The following WTAP variants were observed in gnomAD, a reference collection of about 807,000 sequenced individuals.
WTAP encodes the protein pre-mRNA-splicing regulator WTAP.
Under a neutral mutation model 50.0 loss-of-function variants are expected in WTAP, and 8 were observed. That is an observed-to-expected ratio of 0.16 (90% CI 0.09 to 0.29). The LOEUF is 0.29. WTAP is among the 10% of genes least tolerant of loss of function. WTAP has a pLI of 1.00. For synonymous variants in WTAP, 194 were observed against 169.0 expected (o/e 1.15, Z -1.15); for missense variants, 295 against 470.7 (o/e 0.63, Z 3.45).
At position 159,738,985 on chromosome 6, in the gene WTAP, T is replaced by C. The variant is rs763799954; in HGVS notation, c.31-5T>C. 4.4e-6 allele frequency: 7 copies of C among 1,608,186 alleles called. No homozygotes were observed. The Admixed American group carries it at 5.0e-5, about 12-fold the overall frequency. On this transcript the variant is annotated splice_region_variant and splice_polypyrimidine_tract_variant and intron_variant, in intron 2 of 7. Transcript: ENST00000621533. ...ACTAAATTCATATTGTAATTCTCTT[T>C]ATAGGTTCGATTGAGTGAAACAGAC...
chr6:159,734,408 C>T (rs1485747300), intron 1 of WTAP, among the ~76,000 whole-genome samples: 1 of 150,926 alleles, frequency 6.6e-6, no homozygotes, highest in Non-Finnish European at 1.5e-5. Context: ...TTTAACATAC[C>T]AAGCTTTTGG....
intron 5 of WTAP, 130 bp downstream of exon 5, chr6:159,743,922 G>T: frequency 9.7e-7 from 1 of 1,035,828 alleles, no homozygotes; most frequent in Non-Finnish European, 1.3e-6. Flanking sequence ...TATGCTTTGA[G>T]CTTTAAGAAT....
intron 3 of WTAP, among the ~76,000 whole-genome samples, chr6:159,741,435 T>G (rs1191049344): frequency 6.6e-6 from 1 of 152,152 alleles, no homozygotes; most frequent in African/African-American, 2.4e-5. Context: ...AACCTTCAAT[T>G]CTACATAATG....
chr6:159,747,913 A>G (rs1779671211), intron 5 of WTAP, among the ~76,000 whole-genome samples: 1 of 152,098 alleles, frequency 6.6e-6, no homozygotes, highest in South Asian at 2.1e-4. Context: ...TTTAATTGAC[A>G]AATAAGTTTT....
intron 1 of WTAP, among the ~76,000 whole-genome samples, chr6:159,732,886 AGTGTGTGTGTGT>A (rs67554039): frequency 0.033 from 4,861 of 146,468 alleles, 95 homozygotes; most frequent in Non-Finnish European, 0.05. Flanking sequence ...ATATATATAT[AGTGTGTGTGTGT>A]GTGTGTGTGT....
At chr6:159,736,584 T>C in intron 2 of WTAP, 1 of 266,688 alleles carries the variant, frequency 3.7e-6, no homozygotes. Flanking sequence ...GGTCTACTCT[T>C]AATGTTCATT....
rs145366839 is a variant in WTAP at position 159,753,313 on chromosome 6, G to A, written c.453-147G>A. ...ATACTGAAATGCAGAAGATGGATGTGTCCCAGAAAAGAAGATGGTAATTAT... is the reference window on the plus strand; with the variant it reads ...ATACTGAAATGCAGAAGATGGATGTATCCCAGAAAAGAAGATGGTAATTAT... On this transcript the variant is annotated intron_variant, in intron 6 of 7. Transcript: ENST00000621533. The A allele has an allele frequency of 2.8e-5, 32 of 1,160,198 alleles. No individual in the cohort carries two copies. In the East Asian group the frequency reaches 7.4e-4, roughly 27 times the overall value. The allele number at this position is 1,160,198 out of a possible 1,614,324, so 71.9% of individuals were successfully genotyped here.
At chr6:159,734,281 T>G (rs1164675162) in intron 1 of WTAP, among the ~76,000 whole-genome samples, 2 of 150,934 alleles carry the variant, frequency 1.3e-5, no homozygotes, top group Non-Finnish European at 2.9e-5. Flanking sequence ...CCCAAAGTGC[T>G]GGGATTACAA....
In WTAP at chr6:159,736,242, C is replaced by A; in HGVS notation, c.-8-16C>A. ...GAAAATAAATTGAACTTGTTTTCCG[C>A]AACTTTTTTTTTTAGGATTCAAGAT... On this transcript the variant is annotated splice_polypyrimidine_tract_variant and intron_variant, in intron 1 of 7. Coordinates refer to ENST00000621533, the MANE Select transcript of WTAP (RefSeq NM_001270531.2). The A allele has an allele frequency of 6.3e-7, 1 of 1,585,622 alleles. No individual in the cohort carries two copies. Among genetic ancestry groups the A allele is most frequent in the South Asian group, 1.2e-5 (1 of 83,798 alleles).
intron 1 of WTAP, among the ~76,000 whole-genome samples, chr6:159,731,328 C>T (rs866114284): frequency 2.6e-5 from 4 of 151,492 alleles, no homozygotes; most frequent in Admixed American, 6.6e-5. Context: ...ATTAGCTGGG[C>T]GTGGTGGTTC....
At chr6:159,731,106 A>G (rs1349262875) in intron 1 of WTAP, 2 of 152,210 alleles carry the variant, frequency 1.3e-5, no homozygotes, top group African/African-American at 4.8e-5. Context: ...ATGCCCGTGC[A>G]CTCCAGCCTG....
At chr6:159,738,153 T>C (rs1295912541) in intron 2 of WTAP, among the ~76,000 whole-genome samples, 1 of 152,232 alleles carries the variant, frequency 6.6e-6, no homozygotes, top group Non-Finnish European at 1.5e-5. Flanking sequence ...CATGTCTAGC[T>C]TTGTGTAACC....
chr6:159,727,605 TC>T lies in WTAP; in HGVS notation c.-105del. On this transcript the variant is annotated 5_prime_UTR_variant, in exon 1 of 8. Coordinates refer to ENST00000621533, the MANE Select transcript of WTAP (RefSeq NM_001270531.2). ...CGCGGCGGGGCCGGCGGCAGAGCTG[TC>T]CGGCTGCGCGGTGGCCCGGGGGGCC... is the stretch of plus-strand genomic sequence containing the variant. 9 of 986,242 alleles carry T rather than the reference TC, an allele frequency of 9.1e-6. No individual in the cohort carries two copies. Among genetic ancestry groups the T allele is most frequent in the Non-Finnish European group, 1.1e-5 (9 of 830,668 alleles). The allele number at this position is 986,242 out of a possible 1,614,324, so 61.1% of individuals were successfully genotyped here.
At chr6:159,734,504 A>G (rs1778786027) in intron 1 of WTAP, among the ~76,000 whole-genome samples, 1 of 152,180 alleles carries the variant, frequency 6.6e-6, no homozygotes. Flanking sequence ...AAGATTCATG[A>G]GTATACTATT....
chr6:159,742,482 GT>G (rs1454511242), intron 4 of WTAP, among the ~76,000 whole-genome samples: 1 of 152,092 alleles, frequency 6.6e-6, no homozygotes, highest in Non-Finnish European at 1.5e-5. Flanking sequence ...TGAAGCATGA[GT>G]TACTAGTCTA....
chr6:159,727,749 G>T, intron 1 of WTAP, 46 bp downstream of exon 1: 1 of 983,760 alleles, frequency 1.0e-6, no homozygotes, highest in Non-Finnish European at 1.2e-6. Flanking sequence ...GGACCTCCGG[G>T]GCCTGAGGGC....
chr6:159,753,260 G>C (rs1779885129), intron 6 of WTAP, 200 bp from the exon 7 acceptor site: 1 of 679,724 alleles, frequency 1.5e-6, no homozygotes, highest in South Asian at 2.0e-5. Flanking sequence ...TTTTGTTTAG[G>C]GTTTATTTTT....
At chr6:159,729,774 T>C (rs147622240) in intron 1 of WTAP, among the ~76,000 whole-genome samples, 26 of 152,340 alleles carry the variant, frequency 1.7e-4, no homozygotes, top group African/African-American at 6.3e-4. Context: ...GTCTGCAGAT[T>C]GGTGTCTTAC....
intron 1 of WTAP, among the ~76,000 whole-genome samples, chr6:159,728,283 G>A (rs1186373778): frequency 6.6e-6 from 1 of 151,564 alleles, no homozygotes; most frequent in Non-Finnish European, 1.5e-5. Flanking sequence ...TTTTTTCACC[G>A]TTTTTCATAA....
Sources: gnomAD v4.1 joint callset for allele counts (sites outside exome capture counted in the v4.1 genomes callset) on GRCh38, gnomAD v4.1.1 for gene constraint, MANE v1.5 for transcripts, NCBI Gene and HGNC (gene_info 2026-07-23, HGNC 2026-07-21) for gene names.